The following OR9Q1 variants were observed in gnomAD, a reference collection of about 807,000 sequenced individuals.
OR9Q1 encodes olfactory receptor family 9 subfamily Q member 1, also known as olfactory receptor 9Q1.
For missense variants in OR9Q1, 374 were observed against 378.8 expected (o/e 0.99, Z 0.11); for synonymous variants, 153 against 148.6 (o/e 1.03, Z -0.22).
Position 58,119,005 on chromosome 11 carries a change from C to G in OR9Q1, c.-14-60426C>G, listed in dbSNP as rs189405120. The G allele has an allele frequency of 2.0e-5, 32 of 1,613,912 alleles. No homozygotes were observed. The highest frequency in any genetic ancestry group is 1.5e-4 in the African/African-American group (11 of 75,026). On this transcript the variant is annotated intron_variant, in intron 2 of 2. Coordinates refer to ENST00000335397, the MANE Select transcript of OR9Q1 (RefSeq NM_001005212.4). ...TCCTGACACCCCACAGACATAGGCT[C>G]CTACCACCAGGCTCCAGCAGAGCCT...
intron 2 of OR9Q1, among the ~76,000 whole-genome samples, chr11:58,105,947 G>A (rs1024898260): frequency 3.9e-5 from 6 of 151,980 alleles, no homozygotes; most frequent in Admixed American, 6.6e-5. Flanking sequence ...ATCTTTCTTC[G>A]AGATCCTAAT....
intron 2 of OR9Q1, chr11:58,145,225 C>CT (rs1339116912): frequency 1.3e-5 from 2 of 152,288 alleles, no homozygotes; most frequent in Non-Finnish European, 2.9e-5. Flanking sequence ...ACTGCATTGA[C>CT]TCTCTTCTTT....
intron 2 of OR9Q1, among the ~76,000 whole-genome samples, chr11:58,110,348 C>A (rs1055371389): frequency 6.6e-6 from 1 of 152,136 alleles, no homozygotes; most frequent in African/African-American, 2.4e-5. Context: ...CCCAACAATT[C>A]CTTGTGAGCA....
At chr11:58,111,065 C>A (rs1408259916) in intron 2 of OR9Q1, among the ~76,000 whole-genome samples, 3 of 152,306 alleles carry the variant, frequency 2.0e-5, no homozygotes, top group African/African-American at 7.2e-5. Flanking sequence ...ACCCAAAGTT[C>A]TGGTATTCCA....
In OR9Q1 at chr11:58,047,825, G is replaced by A. The variant is rs143369703; in HGVS notation, c.-92-8045G>A. Among the ~76,000 whole-genome samples the A allele has an allele frequency of 5.3e-5, 8 of 152,174 alleles. No individual in the cohort carries two copies. In the East Asian group the frequency reaches 1.5e-3, roughly 29 times the overall value. On this transcript the variant is annotated intron_variant, in intron 1 of 2. Coordinates refer to ENST00000335397, the MANE Select transcript of OR9Q1 (RefSeq NM_001005212.4). ...CTTGAACTCAGAAGGCGGAGGTTGC[G>A]GTGAGCCAAGATCTCACCACTGCAC...
chr11:58,047,744 C>T (rs1257407960), intron 1 of OR9Q1, among the ~76,000 whole-genome samples: 2 of 150,242 alleles, frequency 1.3e-5, no homozygotes, highest in East Asian at 2.0e-4. Context: ...ATTAGCTTGC[C>T]GTGATGGTGG....
At chr11:58,034,781 C>A (rs1415822827) in intron 1 of OR9Q1, among the ~76,000 whole-genome samples, 3 of 111,954 alleles carry the variant, frequency 2.7e-5, no homozygotes, top group African/African-American at 1.0e-4. Flanking sequence ...TTCCTTCCCT[C>A]CCTCCTTTCT....
intron 2 of OR9Q1, among the ~76,000 whole-genome samples, chr11:58,155,771 G>T (rs1854402002): frequency 1.3e-5 from 2 of 152,140 alleles, no homozygotes; most frequent in African/African-American, 4.8e-5. Flanking sequence ...GGAGGTGACA[G>T]AATATCAGCT....
At chr11:58,034,726 GTTTC>G (rs1853078967) in intron 1 of OR9Q1, among the ~76,000 whole-genome samples, 3 of 47,380 alleles carry the variant, frequency 6.3e-5, no homozygotes, top group African/African-American at 2.0e-4. Context: ...CTGTCTTAAG[GTTTC>G]TTTCTTTCCT....
At chr11:58,168,483 A>C (rs985007389) in intron 2 of OR9Q1, among the ~76,000 whole-genome samples, 2 of 152,152 alleles carry the variant, frequency 1.3e-5, no homozygotes, top group Non-Finnish European at 2.9e-5. Flanking sequence ...GGTCATATTT[A>C]ATTTTTTTGT....
chr11:58,077,105 C>T (rs536524390), intron 2 of OR9Q1, among the ~76,000 whole-genome samples: 13 of 152,258 alleles, frequency 8.5e-5, no homozygotes, highest in African/African-American at 2.9e-4. Flanking sequence ...TTAAAAGTCA[C>T]TTCCAATGTT....
intron 2 of OR9Q1, among the ~76,000 whole-genome samples, chr11:58,125,902 T>C (rs2441965): frequency 0.13 from 20,158 of 152,210 alleles, 2,069 homozygotes; most frequent in Admixed American, 0.25. Flanking sequence ...TCAGTGGTAA[T>C]ATCAGGACTG....
intron 1 of OR9Q1, among the ~76,000 whole-genome samples, chr11:58,048,776 C>T (rs1310413425): frequency 7.4e-6 from 1 of 134,796 alleles, no homozygotes; most frequent in Non-Finnish European, 1.6e-5. Context: ...CACCACCGAT[C>T]CCACAGAAAT....
intron 2 of OR9Q1, among the ~76,000 whole-genome samples, chr11:58,112,436 T>C (rs1207899792): frequency 6.6e-6 from 1 of 152,242 alleles, no homozygotes; most frequent in Non-Finnish European, 1.5e-5. Flanking sequence ...TATGTCTCAC[T>C]ACCTATTAGG....
At chr11:58,102,017 A>G (rs1853788686) in intron 2 of OR9Q1, among the ~76,000 whole-genome samples, 1 of 152,148 alleles carries the variant, frequency 6.6e-6, no homozygotes. Context: ...AAGTGCTGGG[A>G]TTACAGGTGT....
intron 2 of OR9Q1, among the ~76,000 whole-genome samples, chr11:58,155,494 C>G (rs1381203317): frequency 3.9e-5 from 6 of 152,168 alleles, no homozygotes; most frequent in Admixed American, 1.3e-4. Context: ...AGTGCAGGGT[C>G]AGTGCCTGAG....
rs1264239812 is a variant in OR9Q1 at position 58,089,510 on chromosome 11, A to G, written c.-15+33563A>G. Among the ~76,000 whole-genome samples, 4 of 151,804 alleles carry G rather than the reference A, an allele frequency of 2.6e-5. 1 individual carries two copies. Among genetic ancestry groups the G allele is most frequent in the East Asian group, 1.9e-4 (1 of 5,188 alleles). ...GGTCTCTGTTCTGTTCCATTGGTCTATATATCTGTTTTGGTACCAGTACCA... is the reference window on the plus strand; with the variant it reads ...GGTCTCTGTTCTGTTCCATTGGTCTGTATATCTGTTTTGGTACCAGTACCA... On this transcript the variant is annotated intron_variant, in intron 2 of 2. Coordinates refer to ENST00000335397, the MANE Select transcript of OR9Q1 (RefSeq NM_001005212.4).
At chr11:58,127,757 G>A (rs10750887) in intron 2 of OR9Q1, among the ~76,000 whole-genome samples, 58,705 of 151,956 alleles carry the variant, frequency 0.39, 12,335 homozygotes, top group East Asian at 0.64. Context: ...GTTTATATCT[G>A]GGGCTTCTGA....
intron 2 of OR9Q1, among the ~76,000 whole-genome samples, chr11:58,104,478 C>G (rs1853821226): frequency 2.0e-5 from 3 of 151,148 alleles, no homozygotes; most frequent in Admixed American, 2.0e-4. Flanking sequence ...TTTGCCTATA[C>G]AAAATAAGCT....
Sources: gnomAD v4.1 joint callset for allele counts (sites outside exome capture counted in the v4.1 genomes callset) on GRCh38, gnomAD v4.1.1 for gene constraint, MANE v1.5 for transcripts, NCBI Gene and HGNC (gene_info 2026-07-23, HGNC 2026-07-21) for gene names.